The following SLC41A2 variants were observed in gnomAD, a reference collection of about 807,000 sequenced individuals.
SLC41A2 encodes the protein SLC41A1-like 1.
SLC41A2 carries 32 observed loss-of-function variants against 58.3 expected under a neutral mutation model. That is an observed-to-expected ratio of 0.55 (90% CI 0.41 to 0.74). The LOEUF (loss-of-function observed/expected upper bound fraction) is 0.74, where lower values mean the gene tolerates loss of function less well. Among genes scored for constraint, SLC41A2 ranks in the 30% least tolerant of loss-of-function variants. The pLI, the probability that SLC41A2 is intolerant of heterozygous loss-of-function variation, is 0.00. For missense variants in SLC41A2, 514 were observed against 680.6 expected, an observed-to-expected ratio of 0.76 and a Z score of 2.72; for synonymous variants, 190 against 235.0, an observed-to-expected ratio of 0.81 and a Z score of 1.75.
intron 1 of SLC41A2, among the ~76,000 whole-genome samples, chr12:104,939,911 T>C (rs1426081188): frequency 6.6e-6 from 1 of 152,206 alleles, no homozygotes; most frequent in East Asian, 1.9e-4. Context: ...AATAGACTTA[T>C]TTTATGGTTA....
At chr12:104,904,280 C>G (rs527396183) in intron 3 of SLC41A2, among the ~76,000 whole-genome samples, 24 of 152,180 alleles carry the variant, frequency 1.6e-4, no homozygotes, top group Admixed American at 3.9e-4. Flanking sequence ...CTATGTTTAT[C>G]AGAGCAAAGT....
intron 6 of SLC41A2, among the ~76,000 whole-genome samples, chr12:104,873,597 C>A (rs76599061): frequency 0.038 from 5,791 of 152,144 alleles, 153 homozygotes; most frequent in East Asian, 0.1. Context: ...TTTTGAGGAA[C>A]CTCCATACTG....
chr12:104,857,585 A>G (rs2043062723), intron 8 of SLC41A2, among the ~76,000 whole-genome samples: 1 of 152,168 alleles, frequency 6.6e-6, no homozygotes, highest in Non-Finnish European at 1.5e-5. Flanking sequence ...TCACAATAGC[A>G]AAGACTTGGA....
Position 104,802,055 on chromosome 12 carries a change from T to C in SLC41A2, c.*3097A>G, listed in dbSNP as rs531390137. 3.9e-5 allele frequency among the ~76,000 whole-genome samples: 6 copies of C among 152,294 alleles called. No homozygotes were observed. Among genetic ancestry groups the C allele is most frequent in the African/African-American group, 1.4e-4 (6 of 41,582 alleles). On this transcript the variant is annotated 3_prime_UTR_variant, in exon 11 of 11. Transcript: ENST00000258538. ...AGGCAAGGAATCCCAATTACTGATTTTTTTGAATGGCCTTTATTTGGCTAT... is the reference window on the plus strand; with the variant it reads ...AGGCAAGGAATCCCAATTACTGATTCTTTTGAATGGCCTTTATTTGGCTAT...
intron 2 of SLC41A2, among the ~76,000 whole-genome samples, chr12:104,920,209 G>T (rs1048963469): frequency 6.6e-6 from 1 of 152,100 alleles, no homozygotes; most frequent in Admixed American, 6.5e-5. Context: ...ATGCAGTCTG[G>T]ATTATTAAAC....
intron 10 of SLC41A2, among the ~76,000 whole-genome samples, chr12:104,825,599 G>A (rs184288115): frequency 6.3e-4 from 96 of 152,290 alleles, no homozygotes; most frequent in Middle Eastern, 6.8e-3. Flanking sequence ...GGAAGTTAAG[G>A]GAGGAATGAC....
intron 9 of SLC41A2, among the ~76,000 whole-genome samples, chr12:104,845,435 AAAT>A (rs1472089139): frequency 1.3e-5 from 2 of 152,232 alleles, no homozygotes; most frequent in Non-Finnish European, 2.9e-5. Context: ...ATAGCCACAT[AAAT>A]AATGCACTGT....
At position 104,828,319 on chromosome 12, in the gene SLC41A2, G is replaced by A. The variant is rs546242575; in HGVS notation, c.1536+16153C>T. ...CCCTTCTGGCTCCCCCATCTGCTGAGAGCTACTTCCACTCAATAAAACCTT... is the reference window on the plus strand; with the variant it reads ...CCCTTCTGGCTCCCCCATCTGCTGAAAGCTACTTCCACTCAATAAAACCTT... On this transcript the variant is annotated intron_variant, in intron 10 of 10. Coordinates refer to ENST00000258538, the MANE Select transcript of SLC41A2 (RefSeq NM_001352171.3). 2.0e-5 allele frequency among the ~76,000 whole-genome samples: 3 copies of A among 152,310 alleles called. No individual in the cohort carries two copies. In the South Asian group the frequency reaches 6.2e-4, roughly 32 times the overall value.
chr12:104,886,018 C>T (rs4369494), intron 6 of SLC41A2, among the ~76,000 whole-genome samples: 4,689 of 152,112 alleles, frequency 0.031, 136 homozygotes, highest in East Asian at 0.15. Flanking sequence ...GTTATATAAA[C>T]TTGGGTAACA....
chr12:104,945,618 A>T (rs1157022915), intron 1 of SLC41A2, among the ~76,000 whole-genome samples: 2 of 152,226 alleles, frequency 1.3e-5, no homozygotes, highest in African/African-American at 4.8e-5. Context: ...TTTTTTCCAA[A>T]TATATGTTTA....
chr12:104,925,184 T>A (rs1340997096), intron 2 of SLC41A2, among the ~76,000 whole-genome samples: 1 of 152,254 alleles, frequency 6.6e-6, no homozygotes, highest in Non-Finnish European at 1.5e-5. Context: ...CCAGAGTCTC[T>A]ATTTTTTATT....
chr12:104,955,457 A>G (rs1206921690), intron 1 of SLC41A2, among the ~76,000 whole-genome samples: 3 of 152,072 alleles, frequency 2.0e-5, no homozygotes, highest in Non-Finnish European at 2.9e-5. Flanking sequence ...TTTGGTCTGA[A>G]TATCCACTAC....
At chr12:104,854,602 A>G (rs900824206) in intron 8 of SLC41A2, among the ~76,000 whole-genome samples, 1 of 151,988 alleles carries the variant, frequency 6.6e-6, no homozygotes, top group African/African-American at 2.4e-5. Flanking sequence ...TAGATCAGAA[A>G]TTCCCAACCA....
At chr12:104,811,036 C>T (rs1374870735) in intron 10 of SLC41A2, among the ~76,000 whole-genome samples, 1 of 152,158 alleles carries the variant, frequency 6.6e-6, no homozygotes, top group Non-Finnish European at 1.5e-5. Context: ...AGCAATCCTA[C>T]ATAGAAATAA....
chr12:104,909,666 A>G lies in SLC41A2; in HGVS notation c.652T>C (p.Leu218=), dbSNP rs1300175969. The part of the protein sequence containing the change: ...GNLEMTLASR[L]STAVNIGKMD... ...AGGAAAAAACTTACTGCAGTGGATA[A>G]TCTGGATGCCAATGTCATTTCCAAG... is the stretch of plus-strand genomic sequence containing the variant. Residue 218 remains leucine (L), a synonymous_variant, in exon 3 of 11, where the codon TTA becomes CTA. Coordinates refer to ENST00000258538, the MANE Select transcript of SLC41A2 (RefSeq NM_001352171.3). The G allele has an allele frequency of 1.1e-5, 17 of 1,609,394 alleles. No homozygotes were observed. In the African/African-American group the frequency reaches 1.3e-4, roughly 13 times the overall value.
intron 1 of SLC41A2, among the ~76,000 whole-genome samples, chr12:104,953,003 G>A (rs1047933826): frequency 1.1e-4 from 17 of 152,050 alleles, no homozygotes; most frequent in African/African-American, 4.1e-4. Flanking sequence ...ACGCTTTATC[G>A]TAATGGTACT....
chr12:104,858,419 T>C (rs1339802076), intron 8 of SLC41A2, among the ~76,000 whole-genome samples: 1 of 152,272 alleles, frequency 6.6e-6, no homozygotes, highest in East Asian at 1.9e-4. Flanking sequence ...ATTGTGAGGA[T>C]TATACGACAC....
intron 1 of SLC41A2, among the ~76,000 whole-genome samples, chr12:104,938,597 G>A (rs1043315198): frequency 3.3e-5 from 5 of 152,154 alleles, no homozygotes; most frequent in African/African-American, 1.2e-4. Context: ...GCATGTCCTA[G>A]GCAGTTGCTG....
intron 2 of SLC41A2, among the ~76,000 whole-genome samples, chr12:104,913,012 G>A (rs561717366): frequency 1.3e-5 from 2 of 152,202 alleles, no homozygotes; most frequent in African/African-American, 4.8e-5. Flanking sequence ...TGGAATGCAC[G>A]CCTATAGGTT....
Sources: allele counts gnomAD v4.1 joint callset (sites outside exome capture counted in the v4.1 genomes callset), GRCh38; gene constraint gnomAD v4.1.1; transcripts MANE v1.5; gene names NCBI Gene and HGNC (gene_info 2026-07-23, HGNC 2026-07-21).